NARS2: variants seen among roughly 807,000 people sequenced by gnomAD.
The protein encoded by NARS2 is asparaginyl-tRNA synthetase.
In NARS2, 60 loss-of-function variants were observed where a neutral mutation model predicts 62.9. The observed-to-expected ratio is 0.95, with a 90% CI of 0.77 to 1.18. The LOEUF (loss-of-function observed/expected upper bound fraction) is 1.18. Among genes scored for constraint, NARS2 ranks in the 50% most tolerant of loss-of-function variants. The pLI is 0.00. For synonymous variants in NARS2, 196 were observed against 200.0 expected, an observed-to-expected ratio of 0.98 and a Z score of 0.17; for missense variants, 619 against 576.4, an observed-to-expected ratio of 1.07 and a Z score of -0.76.
chr11:78,530,217 T>C (rs576204802), intron 5 of NARS2, among the ~76,000 whole-genome samples: 1 of 152,300 alleles, frequency 6.6e-6, no homozygotes, highest in East Asian at 1.9e-4. Flanking sequence ...CTTCCAAAGA[T>C]ATTTAGTACT....
intron 11 of NARS2, among the ~76,000 whole-genome samples, chr11:78,446,169 C>T (rs550475826): frequency 6.6e-6 from 1 of 152,278 alleles, no homozygotes; most frequent in East Asian, 1.9e-4. Context: ...CCTCACTTTG[C>T]CGTTAAGCCA....
Position 78,574,827 on chromosome 11 carries a change from A to C in NARS2, c.-339T>G. On this transcript the variant is annotated 5_prime_UTR_variant, in exon 1 of 14. Coordinates refer to ENST00000281038, the MANE Select transcript of NARS2 (RefSeq NM_024678.6). ...GGCCGCAACACGCGCAACCACTCCT[A>C]CCACACCACGCCAACGCCGCTTACG... is the stretch of plus-strand genomic sequence containing the variant. 1.4e-5 allele frequency: 4 copies of C among 276,598 alleles called. No homozygotes were observed. The highest frequency in any genetic ancestry group is 5.5e-5 in the South Asian group (1 of 18,348). 17.1% of individuals were successfully genotyped at this position (276,598 alleles called of 1,614,324 possible). A position where few individuals can be genotyped will look rare whatever the true frequency, so the allele number is the denominator to read the frequency against.
intron 7 of NARS2, 88 bp from the exon 8 acceptor site, chr11:78,478,771 C>G (rs1430264448): frequency 1.6e-6 from 1 of 640,354 alleles, no homozygotes; most frequent in Non-Finnish European, 2.6e-6. Context: ...GCATTCCAGG[C>G]TTTAGCAACT....
intron 9 of NARS2, among the ~76,000 whole-genome samples, chr11:78,473,095 G>A (rs1858943671): frequency 6.6e-6 from 1 of 152,178 alleles, no homozygotes; most frequent in African/African-American, 2.4e-5. Context: ...GAGCCCAGGA[G>A]TTCAAGGCTG....
At chr11:78,540,516 C>G (rs529623742) in intron 5 of NARS2, among the ~76,000 whole-genome samples, 8 of 152,124 alleles carry the variant, frequency 5.3e-5, no homozygotes, top group Non-Finnish European at 1.2e-4. Context: ...ACTGAAACAC[C>G]CAATCTATTT....
intron 5 of NARS2, 101 bp from the exon 6 acceptor site, chr11:78,529,037 T>C: frequency 1.3e-6 from 1 of 773,714 alleles, no homozygotes; most frequent in South Asian, 1.6e-5. Context: ...TGCAATTAAA[T>C]CTATGTGAAG....
intron 13 of NARS2, among the ~76,000 whole-genome samples, chr11:78,440,130 C>G (rs1857531324): frequency 6.6e-6 from 1 of 152,208 alleles, no homozygotes; most frequent in Non-Finnish European, 1.5e-5. Context: ...GTGGCACGAT[C>G]TTGGCTCATT....
intron 9 of NARS2, among the ~76,000 whole-genome samples, chr11:78,470,881 G>GT (rs1476666413): frequency 1.8e-5 from 1 of 54,408 alleles, no homozygotes; most frequent in East Asian, 4.8e-4. Context: ...CAGTATTTTG[G>GT]ATTTTTTTTT....
intron 13 of NARS2, 79 bp downstream of exon 13, chr11:78,441,012 G>A: frequency 1.6e-6 from 2 of 1,280,436 alleles, no homozygotes; most frequent in Non-Finnish European, 2.2e-6. Flanking sequence ...ATGGGGTCTT[G>A]GGGATACAAG....
intron 11 of NARS2, among the ~76,000 whole-genome samples, chr11:78,444,858 C>G (rs1172720612): frequency 6.6e-6 from 1 of 151,894 alleles, no homozygotes; most frequent in Admixed American, 6.6e-5. Flanking sequence ...ATAACTGATA[C>G]AACTTTTCTG....
chr11:78,443,698 C>T lies in NARS2; in HGVS notation c.1225G>A (p.Glu409Lys). Residue 409 changes from glutamate (E) to lysine (K), a missense_variant, in exon 12 of 14, where the codon GAA becomes AAA. Transcript: ENST00000281038. ...TCCTCTAAGAAATGGTATCGTTCTTCTCTGAGGCCTCCTCCAAAGAGTTCC... is the reference window on the plus strand; with the variant it reads ...TCCTCTAAGAAATGGTATCGTTCTTTTCTGAGGCCTCCTCCAAAGAGTTCC... ...VGELFGGGLR[E>K]ERYHFLEERL... 1.2e-6 allele frequency: 2 copies of T among 1,613,800 alleles called. No homozygotes were observed. Among genetic ancestry groups the T allele is most frequent in the Non-Finnish European group, 1.7e-6 (2 of 1,179,794 alleles).
At chr11:78,554,714 C>A (rs1220807045) in intron 5 of NARS2, among the ~76,000 whole-genome samples, 1 of 152,184 alleles carries the variant, frequency 6.6e-6, no homozygotes, top group African/African-American at 2.4e-5. Flanking sequence ...ATGTTGTCTG[C>A]AAACAGACAT....
intron 5 of NARS2, among the ~76,000 whole-genome samples, chr11:78,545,579 C>T (rs1157874627): frequency 6.9e-6 from 1 of 145,650 alleles, no homozygotes; most frequent in Non-Finnish European, 1.5e-5. Flanking sequence ...GACTGTAGTG[C>T]AGTGGTGTGA....
At chr11:78,552,267 T>C (rs1441751020) in intron 5 of NARS2, among the ~76,000 whole-genome samples, 3 of 152,224 alleles carry the variant, frequency 2.0e-5, no homozygotes, top group Non-Finnish European at 2.9e-5. Context: ...GTTCCTGCAT[T>C]AGTTTGCTAA....
Position 78,436,295 on chromosome 11 carries a change from C to G in NARS2, c.*375G>C, listed in dbSNP as rs1299016958. On this transcript the variant is annotated 3_prime_UTR_variant, in exon 14 of 14. Transcript: ENST00000281038. ...TGCAACATTATTTTATTTCGAGCTA[C>G]TAGATGGTTCTCACAAATTACACAG... 6.1e-6 allele frequency: 1 copy of G among 163,930 alleles called. No homozygotes were observed. Among genetic ancestry groups the G allele is most frequent in the African/African-American group, 2.4e-5 (1 of 41,674 alleles). The allele number at this position is 163,930 out of a possible 1,614,324, so 10.2% of individuals were successfully genotyped here. A position where few individuals can be genotyped will look rare whatever the true frequency, so the allele number is the denominator to read the frequency against.
chr11:78,478,667 A>T lies in NARS2; in HGVS notation c.839T>A (p.Phe280Tyr). Residue 280 changes from phenylalanine to tyrosine, a missense_variant, in exon 8 of 14, where the codon TTC (phenylalanine) becomes TAC (tyrosine). By Grantham distance (22) the Phe-to-Tyr change is conservative. Transcript: ENST00000281038. ...GAGAACCATCATTGTTGTAGCCTTG[A>T]ACAGTTCCTCTATAACCTAAGAGAA... Reference protein sequence around the residue: ...QDLMQVIEELFKATTMMVLSK... With the variant: ...QDLMQVIEELYKATTMMVLSK... 1 of 1,608,920 alleles carries T rather than the reference A, an allele frequency of 6.2e-7. No individual in the cohort carries two copies. The highest frequency in any genetic ancestry group is 8.5e-7 in the Non-Finnish European group (1 of 1,176,762).
intron 7 of NARS2, 23 bp downstream of exon 7, chr11:78,493,039 GT>G: frequency 6.4e-7 from 1 of 1,564,518 alleles, no homozygotes; most frequent in Non-Finnish European, 8.7e-7. Context: ...CAGATACCTG[GT>G]ATTTTAAAAC....
intron 5 of NARS2, among the ~76,000 whole-genome samples, chr11:78,542,197 A>T (rs577030496): frequency 2.0e-5 from 3 of 152,338 alleles, no homozygotes; most frequent in Non-Finnish European, 4.4e-5. Context: ...GCAGGAAAGG[A>T]AGTTATTAAG....
intron 9 of NARS2, among the ~76,000 whole-genome samples, chr11:78,473,956 ATC>A (rs1170777988): frequency 6.6e-6 from 1 of 152,180 alleles, no homozygotes; most frequent in Admixed American, 6.5e-5. Flanking sequence ...AAACTGGAAA[ATC>A]GCCCTCCAGC....
Sources: allele counts gnomAD v4.1 joint callset (sites outside exome capture counted in the v4.1 genomes callset), GRCh38; gene constraint gnomAD v4.1.1; transcripts MANE v1.5; gene names NCBI Gene and HGNC (gene_info 2026-07-23, HGNC 2026-07-21).